SERPINH1: variants seen among roughly 807,000 people sequenced by gnomAD.
SERPINH1 encodes serpin H1.
SERPINH1 carries 22 observed loss-of-function variants against 32.3 expected under a neutral mutation model. The observed-to-expected ratio is 0.68, with a 90% CI of 0.49 to 0.97. The LOEUF (loss-of-function observed/expected upper bound fraction) is 0.97, where lower values mean the gene tolerates loss of function less well. SERPINH1 is among the 50% of genes least tolerant of loss of function. SERPINH1 has a pLI of 0.00. For synonymous variants in SERPINH1, 251 were observed against 245.9 expected, an observed-to-expected ratio of 1.02 and a Z score of -0.19; for missense variants, 543 against 576.4, an observed-to-expected ratio of 0.94 and a Z score of 0.59.
chr11:75,567,293 A>T (rs1437350403), intron 2 of SERPINH1, among the ~76,000 whole-genome samples: 2 of 152,232 alleles, frequency 1.3e-5, no homozygotes, highest in Non-Finnish European at 2.9e-5. Context: ...CTCAGTAGTG[A>T]GCTAGAGAAA....
In SERPINH1 at chr11:75,566,675, C is replaced by G. The variant is rs148959638; in HGVS notation, c.326C>G (p.Ala109Gly). Residue 109 changes from alanine (A) to glycine (G), a missense_variant, in exon 2 of 5, where the codon GCC becomes GGC. Physicochemically the swap from Ala to Gly is moderately conservative, Grantham distance 60. Around this residue, in one of 3 missense-constraint regions of SERPINH1, gnomAD observed 427 missense variants for 446.4 expected, o/e 0.96. Coordinates refer to ENST00000358171, the MANE Select transcript of SERPINH1 (RefSeq NM_001235.5). Reference protein sequence around the residue: ...AEQLRDEEVHAGLGELLRSLS... With the variant: ...AEQLRDEEVHGGLGELLRSLS... Reference sequence around the variant, plus strand: ...CAGCTGCGCGACGAGGAGGTGCACGCCGGCCTGGGCGAGCTGCTGCGCTCA... The same window carrying G: ...CAGCTGCGCGACGAGGAGGTGCACGGCGGCCTGGGCGAGCTGCTGCGCTCA... The G allele has an allele frequency of 1.7e-5, 27 of 1,608,698 alleles. No homozygotes were observed. The African/African-American group carries it at 2.5e-4, about 15-fold the overall frequency.
In SERPINH1 at chr11:75,572,074, C is replaced by T. The variant is rs145015985; in HGVS notation, c.1248C>T (p.Asp416=). The change falls in exon 5 of 5, where the codon GAC becomes GAT. Residue 416 remains aspartate (D), a synonymous_variant. Coordinates refer to ENST00000358171, the MANE Select transcript of SERPINH1 (RefSeq NM_001235.5). The stretch of plus-strand genomic sequence containing the variant: ...GGCCTAAGGGTGACAAGATGCGAGA[C>T]GAGTTATAGGGCCTCAGGGTGCACA... ...LVRPKGDKMR[D]EL 31 of 1,613,948 alleles carry T rather than the reference C, an allele frequency of 1.9e-5. No homozygotes were observed. Among genetic ancestry groups the T allele is most frequent in the South Asian group, 9.9e-5 (9 of 91,074 alleles).
intron 1 of SERPINH1, chr11:75,563,683 C>T (rs992269557): frequency 6.5e-6 from 1 of 152,810 alleles, no homozygotes; most frequent in Admixed American, 6.5e-5. Flanking sequence ...CACCATCTCT[C>T]CTTTGCCGGC....
chr11:75,567,117 TG>T lies in SERPINH1; in HGVS notation c.622+147del, dbSNP rs1942104988. On this transcript the variant is annotated intron_variant, in intron 2 of 4. Coordinates refer to ENST00000358171, the MANE Select transcript of SERPINH1 (RefSeq NM_001235.5). ...GAGGCAGGACTGTCACTCAGCTTTT[TG>T]TACAGACTGGAAACTAGATTCAGAG... 6 of 915,854 alleles carry T rather than the reference TG, an allele frequency of 6.6e-6. No individual in the cohort carries two copies. In the East Asian group the frequency reaches 1.6e-4, roughly 24 times the overall value. 56.7% of individuals were successfully genotyped at this position (915,854 alleles called of 1,614,324 possible). A position where few individuals can be genotyped will look rare whatever the true frequency, so the allele number is the denominator to read the frequency against.
At chr11:75,570,016 T>C (rs916736572) in intron 4 of SERPINH1, among the ~76,000 whole-genome samples, 1 of 151,646 alleles carries the variant, frequency 6.6e-6, no homozygotes, top group African/African-American at 2.4e-5. Context: ...ACACACATTC[T>C]CAAGATTCTC....
chr11:75,572,100 C>A lies in SERPINH1; in HGVS notation c.*17C>A. The A allele has an allele frequency of 6.2e-7, 1 of 1,612,974 alleles. No homozygotes were observed. Among genetic ancestry groups the A allele is most frequent in the Non-Finnish European group, 8.5e-7 (1 of 1,179,512 alleles). On this transcript the variant is annotated 3_prime_UTR_variant, in exon 5 of 5. Coordinates refer to ENST00000358171, the MANE Select transcript of SERPINH1 (RefSeq NM_001235.5). ...GAGTTATAGGGCCTCAGGGTGCACA[C>A]AGGATGGCAGGAGGCATCCAAAGGC...
At chr11:75,569,920 G>T (rs1007376207) in intron 4 of SERPINH1, among the ~76,000 whole-genome samples, 1 of 151,766 alleles carries the variant, frequency 6.6e-6, no homozygotes, top group Non-Finnish European at 1.5e-5. Flanking sequence ...AGTGCCCCCA[G>T]TTATAGATTG....
intron 4 of SERPINH1, chr11:75,569,448 A>G (rs1399379109): frequency 1.9e-5 from 6 of 307,908 alleles, no homozygotes; most frequent in South Asian, 5.4e-5. Flanking sequence ...TTTGAGATGG[A>G]GTCTCACTCT....
At chr11:75,570,962 G>A (rs1214912066) in intron 4 of SERPINH1, among the ~76,000 whole-genome samples, 1 of 152,200 alleles carries the variant, frequency 6.6e-6, no homozygotes, top group African/African-American at 2.4e-5. Context: ...GCTGTCTGGA[G>A]AGTGGGGTGG....
intron 4 of SERPINH1, among the ~76,000 whole-genome samples, chr11:75,570,199 G>A (rs116367641): frequency 0.01 from 1,535 of 152,218 alleles, 24 homozygotes; most frequent in African/African-American, 0.036. Context: ...GGAAACTTTC[G>A]TGTCATTCTT....
intron 4 of SERPINH1, among the ~76,000 whole-genome samples, chr11:75,571,544 TTC>T (rs2135557315): frequency 6.6e-6 from 1 of 152,360 alleles, no homozygotes; most frequent in South Asian, 2.1e-4. Context: ...TCACTTGTTT[TTC>T]TGAGTCTCAG....
In SERPINH1 at chr11:75,571,762, C is replaced by T. The variant is rs201369908; in HGVS notation, c.955-19C>T. 4.4e-5 allele frequency: 71 copies of T among 1,612,170 alleles called. No homozygotes were observed. The highest frequency in any genetic ancestry group is 5.9e-5 in the Non-Finnish European group (70 of 1,179,756). On this transcript the variant is annotated intron_variant, in intron 4 of 4. Transcript: ENST00000358171. The stretch of plus-strand genomic sequence containing the variant: ...CTGGCAGCCATGGCCTCACCTGGCA[C>T]ACCTCCTTGTTCCCACAGAAACACC...
chr11:75,565,611 A>G (rs1206818727), intron 1 of SERPINH1, among the ~76,000 whole-genome samples: 1 of 61,094 alleles, frequency 1.6e-5, no homozygotes, highest in Non-Finnish European at 5.5e-5. Context: ...CTGAGTGGAC[A>G]CAGGACACAC....
At position 75,572,277 on chromosome 11, in the gene SERPINH1, C is replaced by T. The variant is rs1405829848; in HGVS notation, c.*194C>T. On this transcript the variant is annotated 3_prime_UTR_variant, in exon 5 of 5. Transcript: ENST00000358171. ...AATTCACTCCACTTGGACATGGGCCCCAGATACCATGATGCTGAGCCCGGA... is the reference window on the plus strand; with the variant it reads ...AATTCACTCCACTTGGACATGGGCCTCAGATACCATGATGCTGAGCCCGGA... The T allele has an allele frequency of 1.2e-5, 8 of 648,440 alleles. No individual in the cohort carries two copies. Among genetic ancestry groups the T allele is most frequent in the Admixed American group, 8.9e-5 (4 of 44,820 alleles). 40.2% of individuals were successfully genotyped at this position (648,440 alleles called of 1,614,324 possible). A position where few individuals can be genotyped will look rare whatever the true frequency, so the allele number is the denominator to read the frequency against.
rs763945752 is a variant in SERPINH1 at position 75,566,688 on chromosome 11, G to C, written c.339G>C (p.Glu113Asp). 2 of 1,610,020 alleles carry C rather than the reference G, an allele frequency of 1.2e-6. No individual in the cohort carries two copies. The highest frequency in any genetic ancestry group is 1.7e-6 in the Non-Finnish European group (2 of 1,178,672). ...AGGAGGTGCACGCCGGCCTGGGCGA[G>C]CTGCTGCGCTCACTCAGCAACTCCA... ...RDEEVHAGLG[E>D]LLRSLSNSTA... The change falls in exon 2 of 5, where the codon GAG (glutamate) becomes GAC (aspartate). Residue 113 changes from glutamate (E) to aspartate (D), a missense_variant. By Grantham distance (45) the Glu-to-Asp change is conservative. Transcript: ENST00000358171.
chr11:75,568,573 A>G (rs565084368), intron 2 of SERPINH1, 158 bp from the exon 3 acceptor site: 1 of 689,352 alleles, frequency 1.5e-6, no homozygotes, highest in East Asian at 2.7e-5. Flanking sequence ...GGGAACATAG[A>G]CTCTGTGGGC....
chr11:75,563,642 C>A (rs589374), intron 1 of SERPINH1: 59,093 of 152,636 alleles, frequency 0.39, 13,898 homozygotes, highest in Non-Finnish European at 0.55. Context: ...AGATTGGGGA[C>A]TGGTTGTGCC....
chr11:75,571,917 A>G lies in SERPINH1; in HGVS notation c.1091A>G (p.Asn364Ser). The change falls in exon 5 of 5, where the codon AAC becomes AGC. Residue 364 changes from asparagine to serine, a missense_variant. Transcript: ENST00000358171. ...ATAFELDTDG[N>S]PFDQDIYGRE... ...GCCTTTGAGTTGGACACAGATGGCA[A>G]CCCCTTTGACCAGGACATCTACGGG... 5 of 1,614,184 alleles carry G rather than the reference A, an allele frequency of 3.1e-6. No homozygotes were observed. The highest frequency in any genetic ancestry group is 1.1e-5 in the South Asian group (1 of 91,078).
intron 4 of SERPINH1, among the ~76,000 whole-genome samples, chr11:75,570,826 T>C (rs1194626376): frequency 6.6e-6 from 1 of 152,154 alleles, no homozygotes; most frequent in African/African-American, 2.4e-5. Flanking sequence ...ACCAGACTGA[T>C]AACAGGAAGG....
Sources: allele counts gnomAD v4.1 joint callset (sites outside exome capture counted in the v4.1 genomes callset), GRCh38; gene constraint gnomAD v4.1.1; regional missense constraint gnomAD v4.1.1; transcripts MANE v1.5; gene names NCBI Gene and HGNC (gene_info 2026-07-23, HGNC 2026-07-21).